The following SHISA9 variants were observed in gnomAD, a reference collection of about 807,000 sequenced individuals.
The protein encoded by SHISA9 is protein shisa-9.
In SHISA9, 13 loss-of-function variants were observed where a neutral mutation model predicts 38.0. The ratio of observed to expected loss-of-function variants is 0.34; its 90% CI spans 0.22 to 0.54. The LOEUF (loss-of-function observed/expected upper bound fraction) is 0.54. Ranked by LOEUF, SHISA9 falls within the 20% of genes least tolerant of loss-of-function variation. The pLI is 0.91. For missense variants in SHISA9, 538 were observed against 575.8 expected, an observed-to-expected ratio of 0.93 and a Z score of 0.67; for synonymous variants, 275 against 242.0, an observed-to-expected ratio of 1.14 and a Z score of -1.27.
At chr16:13,451,620 C>G in the SHISA9 span, among the ~76,000 whole-genome samples, 1 of 152,052 alleles carries the variant, frequency 6.6e-6, no homozygotes, top group Admixed American at 6.6e-5. Flanking sequence ...ACATAAAGGG[C>G]AAGAGAGAGA....
At chr16:13,316,164 G>A in the SHISA9 span, among the ~76,000 whole-genome samples, 5 of 152,148 alleles carry the variant, frequency 3.3e-5, no homozygotes, top group African/African-American at 1.2e-4. Context: ...GCTACCCACA[G>A]TCTGGATGGC....
At chr16:13,499,786 C>T in the SHISA9 span, among the ~76,000 whole-genome samples, 1 of 152,142 alleles carries the variant, frequency 6.6e-6, no homozygotes, top group Non-Finnish European at 1.5e-5. Context: ...TGAGACAATT[C>T]AGCACAATTT....
chr16:13,187,542 C>G (rs1273332235), intron 2 of SHISA9, among the ~76,000 whole-genome samples: 1 of 151,802 alleles, frequency 6.6e-6, no homozygotes, highest in Admixed American at 6.6e-5. Context: ...CCCATGTTGG[C>G]CAGGCTGGTC....
chr16:13,370,429 G>A, the SHISA9 span, among the ~76,000 whole-genome samples: 1 of 152,164 alleles, frequency 6.6e-6, no homozygotes, highest in Non-Finnish European at 1.5e-5. Context: ...GTAGGTCTGG[G>A]ATTTAAACAC....
chr16:13,117,344 C>G (rs1353502735), intron 2 of SHISA9, among the ~76,000 whole-genome samples: 2 of 149,422 alleles, frequency 1.3e-5, no homozygotes, highest in Admixed American at 6.8e-5. Context: ...CATAAATACA[C>G]ATAAATACAG....
the SHISA9 span, among the ~76,000 whole-genome samples, chr16:13,483,253 C>A: frequency 6.6e-6 from 1 of 152,230 alleles, no homozygotes; most frequent in Admixed American, 6.5e-5. Flanking sequence ...CACCATGAAT[C>A]ATTTAGGGCT....
intron 2 of SHISA9, among the ~76,000 whole-genome samples, chr16:13,090,852 T>C (rs2073767660): frequency 6.6e-6 from 1 of 152,238 alleles, no homozygotes; most frequent in Admixed American, 6.5e-5. Context: ...TGTTCGCTGG[T>C]TGTTTTGCCT....
At chr16:13,382,608 C>T in the SHISA9 span, among the ~76,000 whole-genome samples, 9 of 151,368 alleles carry the variant, frequency 5.9e-5, no homozygotes, top group Non-Finnish European at 1.5e-5. Context: ...CCTGTAATCC[C>T]AGGACTTTGG....
the SHISA9 span, among the ~76,000 whole-genome samples, chr16:13,544,950 C>T: frequency 3.3e-5 from 5 of 151,980 alleles, no homozygotes; most frequent in African/African-American, 1.2e-4. Flanking sequence ...CAAAAAAAAA[C>T]AATAGAAGAC....
intron 2 of SHISA9, among the ~76,000 whole-genome samples, chr16:12,988,058 C>T (rs117565999): frequency 4.6e-5 from 7 of 152,184 alleles, no homozygotes; most frequent in Non-Finnish European, 1.0e-4. Flanking sequence ...CAGGACAAGA[C>T]AGCAAGACCC....
the SHISA9 span, among the ~76,000 whole-genome samples, chr16:13,280,441 T>A: frequency 6.6e-6 from 1 of 151,754 alleles, no homozygotes; most frequent in Non-Finnish European, 1.5e-5. Context: ...ATATTATGGA[T>A]TTCCCTCTAA....
the SHISA9 span, among the ~76,000 whole-genome samples, chr16:13,516,923 A>G: frequency 1.3e-5 from 2 of 152,190 alleles, no homozygotes; most frequent in Non-Finnish European, 2.9e-5. Flanking sequence ...TAGTCAATAA[A>G]ACTGACCTGT....
At chr16:13,268,463 C>T in the SHISA9 span, among the ~76,000 whole-genome samples, 5 of 152,114 alleles carry the variant, frequency 3.3e-5, no homozygotes, top group African/African-American at 7.2e-5. Context: ...GGGCCAAGAT[C>T]GTGCCATTGC....
At chr16:13,083,734 G>T (rs1454901602) in intron 2 of SHISA9, among the ~76,000 whole-genome samples, 1 of 152,168 alleles carries the variant, frequency 6.6e-6, no homozygotes, top group Non-Finnish European at 1.5e-5. Context: ...GCTTCAGGGG[G>T]TGGGGAAAGA....
At chr16:13,503,835 G>A in the SHISA9 span, among the ~76,000 whole-genome samples, 2 of 152,186 alleles carry the variant, frequency 1.3e-5, no homozygotes, top group Non-Finnish European at 2.9e-5. Context: ...TGGGAATAAT[G>A]AATTGCAGAG....
At chr16:13,342,986 A>T in the SHISA9 span, among the ~76,000 whole-genome samples, 72 of 152,320 alleles carry the variant, frequency 4.7e-4, no homozygotes, top group African/African-American at 1.7e-3. Flanking sequence ...TCTAATCCAA[A>T]CTAATGAGTC....
chr16:13,285,405 C>A, the SHISA9 span, among the ~76,000 whole-genome samples: 8 of 146,640 alleles, frequency 5.5e-5, no homozygotes, highest in African/African-American at 2.0e-4. Context: ...AGGCAAATTT[C>A]ATGTTCTCTT....
intron 2 of SHISA9, among the ~76,000 whole-genome samples, chr16:12,917,903 T>A (rs2071279304): frequency 6.6e-6 from 1 of 152,194 alleles, no homozygotes. Flanking sequence ...CAAATTCTTA[T>A]GCTCAGTGGG....
chr16:12,980,420 A>C (rs541887498), intron 2 of SHISA9, among the ~76,000 whole-genome samples: 1 of 152,164 alleles, frequency 6.6e-6, no homozygotes, highest in Non-Finnish European at 1.5e-5. Flanking sequence ...TACTTCATGT[A>C]TTCTTGCATC....
Sources: gnomAD v4.1 joint callset for allele counts (sites outside exome capture counted in the v4.1 genomes callset) on GRCh38, gnomAD v4.1.1 for gene constraint, MANE v1.5 for transcripts, NCBI Gene and HGNC (gene_info 2026-07-23, HGNC 2026-07-21) for gene names.